Variants in ABCC12 observed in about 807,000 individuals in gnomAD.
ABCC12 encodes the protein ATP binding cassette subfamily C member 12, also known as ATP-binding cassette sub-family C member 12.
A neutral mutation model predicts 151.1 loss-of-function variants in ABCC12; 142 were observed. That is an observed-to-expected ratio of 0.94 (90% CI 0.82 to 1.08). ABCC12 has a LOEUF of 1.08. Among genes scored for constraint, ABCC12 ranks in the 50% least tolerant of loss-of-function variants. The pLI is 0.00. For missense variants in ABCC12, 1,638 were observed against 1,691.1 expected (o/e 0.97, Z 0.55); for synonymous variants, 645 against 646.4 (o/e 1.00, Z 0.03).
chr16:48,151,793 T>C (rs1965120325), intron 2 of ABCC12, among the ~76,000 whole-genome samples: 1 of 152,214 alleles, frequency 6.6e-6, no homozygotes, highest in Non-Finnish European at 1.5e-5. Flanking sequence ...TATCTGATCA[T>C]AAGTTTAAGA....
In ABCC12 at chr16:48,101,137, G is replaced by A. The variant is rs1157447180; in HGVS notation, c.2901-128C>T. The A allele has an allele frequency of 3.5e-6, 4 of 1,144,536 alleles. No homozygotes were observed. The East Asian group carries it at 1.1e-4, about 31-fold the overall frequency. 70.9% of individuals were successfully genotyped at this position (1,144,536 alleles called of 1,614,324 possible). ...GTCAGAGACGGTGCCATCTAACTGG[G>A]GATGAAGAGCAGCCTGCCATTCTGC... On this transcript the variant is annotated intron_variant, in intron 22 of 30. Transcript: ENST00000311303.
chr16:48,151,074 C>T (rs1231038665), intron 2 of ABCC12, among the ~76,000 whole-genome samples: 1 of 151,928 alleles, frequency 6.6e-6, no homozygotes, highest in African/African-American at 2.4e-5. Flanking sequence ...AGTATAGTAC[C>T]ATATGGAAAA....
chr16:48,145,356 A>AAT (rs1207329974), intron 3 of ABCC12, among the ~76,000 whole-genome samples: 3 of 152,214 alleles, frequency 2.0e-5, no homozygotes, highest in African/African-American at 7.2e-5. Context: ...TAATGCTAAT[A>AAT]ATATATATAA....
At chr16:48,085,525 C>T in intron 29 of ABCC12, 68 bp downstream of exon 29, 1 of 1,379,780 alleles carries the variant, frequency 7.2e-7, no homozygotes, top group East Asian at 2.3e-5. Context: ...GTGGCTCTGC[C>T]TCCTGGATTG....
chr16:48,091,357 C>G (rs771364460), intron 24 of ABCC12, 148 bp from the exon 25 acceptor site: 10 of 696,114 alleles, frequency 1.4e-5, no homozygotes, highest in Non-Finnish European at 2.6e-5. Context: ...CCCAGCCAAG[C>G]GCCCAGAAGT....
At chr16:48,126,945 G>T (rs1451607831) in intron 11 of ABCC12, among the ~76,000 whole-genome samples, 1 of 152,180 alleles carries the variant, frequency 6.6e-6, no homozygotes, top group African/African-American at 2.4e-5. Flanking sequence ...GAAGTTCACG[G>T]AGGCCTCTTG....
chr16:48,084,621 C>T (rs955980089), intron 29 of ABCC12, among the ~76,000 whole-genome samples: 2 of 152,248 alleles, frequency 1.3e-5, no homozygotes, highest in African/African-American at 2.4e-5. Context: ...ATCACAGCTC[C>T]TTCTCTCTTT....
At chr16:48,092,716 G>T (rs901250476) in intron 24 of ABCC12, among the ~76,000 whole-genome samples, 1 of 152,192 alleles carries the variant, frequency 6.6e-6, no homozygotes, top group Non-Finnish European at 1.5e-5. Context: ...GGTGCACAAG[G>T]CCACTGCGGG....
intron 25 of ABCC12, 80 bp downstream of exon 25, chr16:48,091,040 C>T: frequency 2.9e-6 from 4 of 1,371,538 alleles, no homozygotes; most frequent in Non-Finnish European, 4.2e-6. Flanking sequence ...AGACCCCTTT[C>T]GCATCTAAAA....
intron 11 of ABCC12, among the ~76,000 whole-genome samples, chr16:48,125,666 T>C (rs1254667508): frequency 1.3e-5 from 2 of 152,200 alleles, no homozygotes; most frequent in African/African-American, 4.8e-5. Flanking sequence ...AACATTCTCA[T>C]GTAGGCCTGC....
At chr16:48,100,559 TGTAA>T (rs1226494011) in intron 23 of ABCC12, among the ~76,000 whole-genome samples, 2 of 152,200 alleles carry the variant, frequency 1.3e-5, no homozygotes, top group African/African-American at 2.4e-5. Context: ...GGGGAGGGGC[TGTAA>T]GTGATTTTTT....
rs1965010535 is a variant in ABCC12 at position 48,146,540 on chromosome 16, T to G, written c.-50-66A>C. On this transcript the variant is annotated intron_variant, in intron 2 of 30. Coordinates refer to ENST00000311303, the MANE Select transcript of ABCC12 (RefSeq NM_001393797.1). Reference sequence around the variant, plus strand: ...TGTCTGATTGGGATCAGGCAGCCTCTACTTTACCCAGATCAGTTCCTTTGC... The same window carrying G: ...TGTCTGATTGGGATCAGGCAGCCTCGACTTTACCCAGATCAGTTCCTTTGC... The G allele has an allele frequency of 8.9e-5, 71 of 800,678 alleles. 1 individual carries two copies. The South Asian group carries it at 1.1e-3, about 12-fold the overall frequency. The allele number at this position is 800,678 out of a possible 1,614,324, so 49.6% of individuals were successfully genotyped here.
rs1597298089 is a variant in ABCC12 at position 48,083,558 on chromosome 16, G to T, written c.*157C>A. ...CACCAAGTGGGGTGACATGGACTGA[G>T]TATGGCAGTGGGGACAACTTCAGCC... is the stretch of plus-strand genomic sequence containing the variant. On this transcript the variant is annotated 3_prime_UTR_variant, in exon 31 of 31. Transcript: ENST00000311303. 2 of 778,698 alleles carry T rather than the reference G, an allele frequency of 2.6e-6. No individual in the cohort carries two copies. The highest frequency in any genetic ancestry group is 4.9e-5 in the East Asian group (2 of 40,874). 48.2% of individuals were successfully genotyped at this position (778,698 alleles called of 1,614,324 possible).
In ABCC12 at chr16:48,091,223, G is replaced by A. The variant is rs756973896; in HGVS notation, c.3196-14C>T. 2 of 1,613,446 alleles carry A rather than the reference G, an allele frequency of 1.2e-6. No individual in the cohort carries two copies. Among genetic ancestry groups the A allele is most frequent in the South Asian group, 1.1e-5 (1 of 91,076 alleles). On this transcript the variant is annotated splice_polypyrimidine_tract_variant and intron_variant, in intron 24 of 30. Transcript: ENST00000311303. ...CAGTCCGCTCAGCTGTTGAAAAGGA[G>A]CGAGCAGCCGCAGTTAGAGCCCCTT...
chr16:48,104,246 C>T lies in ABCC12; in HGVS notation c.2796G>A (p.Gln932=). The change falls in exon 22 of 31, where the codon CAG becomes CAA. Residue 932 remains glutamine, a synonymous_variant. Coordinates refer to ENST00000311303, the MANE Select transcript of ABCC12 (RefSeq NM_001393797.1). Reference sequence around the variant, plus strand: ...GAATAAACACCACCATAAAAAACTGCTGCAGAAAGTTCTCTGCGTGAAACG... The same window carrying T: ...GAATAAACACCACCATAAAAAACTGTTGCAGAAAGTTCTCTGCGTGAAACG... ...RLPFHAENFL[Q]QFFMVVFILV... 1 of 1,614,236 alleles carries T rather than the reference C, an allele frequency of 6.2e-7. No homozygotes were observed. Among genetic ancestry groups the T allele is most frequent in the Non-Finnish European group, 8.5e-7 (1 of 1,180,044 alleles).
Position 48,138,669 on chromosome 16 carries a change from T to C in ABCC12, c.832-294A>G, listed in dbSNP as rs182264123. Among the ~76,000 whole-genome samples, 5 of 152,272 alleles carry C rather than the reference T, an allele frequency of 3.3e-5. No individual in the cohort carries two copies. In the South Asian group the frequency reaches 1.0e-3, roughly 32 times the overall value. On this transcript the variant is annotated intron_variant, in intron 7 of 30. Transcript: ENST00000311303. The stretch of plus-strand genomic sequence containing the variant: ...AGAGCATTCAAATTCAAGCTTTTTT[T>C]AAAAACCTTCACTGTGGCCAGGTGC...
rs191244107 is a variant in ABCC12 at position 48,142,799 on chromosome 16, G to A, written c.275+1111C>T. On this transcript the variant is annotated intron_variant, in intron 4 of 30. Transcript: ENST00000311303. ...GAGCAACATGATCAACAGTTATGTA[G>A]TATGCTTCATTTTTTGTTTAGATTA... is the stretch of plus-strand genomic sequence containing the variant. 4.2e-4 allele frequency among the ~76,000 whole-genome samples: 64 copies of A among 152,322 alleles called. 2 individuals carry two copies. In the East Asian group the frequency reaches 0.012, roughly 28 times the overall value.
chr16:48,120,806 G>A (rs79254547), intron 13 of ABCC12, among the ~76,000 whole-genome samples: 3 of 151,978 alleles, frequency 2.0e-5, no homozygotes, highest in African/African-American at 7.2e-5. Context: ...CACCTGCCTC[G>A]GACTCCCAAA....
intron 27 of ABCC12, 43 bp downstream of exon 27, chr16:48,087,883 C>A: frequency 6.3e-7 from 1 of 1,590,758 alleles, no homozygotes; most frequent in Non-Finnish European, 8.6e-7. Context: ...AGTCTGATTT[C>A]ACTCTCCAAA....
Sources: gnomAD v4.1 joint callset for allele counts (sites outside exome capture counted in the v4.1 genomes callset) on GRCh38, gnomAD v4.1.1 for gene constraint, MANE v1.5 for transcripts, NCBI Gene and HGNC (gene_info 2026-07-23, HGNC 2026-07-21) for gene names.